The following AKAP12 variants were observed in gnomAD, a reference collection of about 807,000 sequenced individuals.
The protein encoded by AKAP12 is A-kinase anchor protein 12.
Under a neutral mutation model 79.9 loss-of-function variants are expected in AKAP12, and 32 were observed. The observed-to-expected ratio is 0.40, with a 90% CI of 0.30 to 0.54. AKAP12 has a LOEUF of 0.54. AKAP12 is among the 20% of genes least tolerant of loss of function. The pLI, the probability that AKAP12 is intolerant of heterozygous loss-of-function variation, is 0.48. For synonymous variants in AKAP12, 808 were observed against 857.0 expected, an observed-to-expected ratio of 0.94 and a Z score of 1.00; for missense variants, 2,074 against 2,177.0, an observed-to-expected ratio of 0.95 and a Z score of 0.94.
At chr6:151,318,313 T>C (rs1481893074) in intron 3 of AKAP12, among the ~76,000 whole-genome samples, 1 of 152,234 alleles carries the variant, frequency 6.6e-6, no homozygotes, top group Non-Finnish European at 1.5e-5. Flanking sequence ...ACCTGGTTTA[T>C]ATGGTGCTTT....
chr6:151,274,018 G>T, intron 2 of AKAP12, among the ~76,000 whole-genome samples: 1 of 149,244 alleles, frequency 6.7e-6, no homozygotes, highest in Non-Finnish European at 1.5e-5. Context: ...GACAGAGCAA[G>T]ACTCTGTCTC....
chr6:151,337,034 T>A (rs1182328586), intron 3 of AKAP12, among the ~76,000 whole-genome samples: 1 of 152,178 alleles, frequency 6.6e-6, no homozygotes, highest in Non-Finnish European at 1.5e-5. Context: ...TAAGTCGTTT[T>A]CTTGTTGTTT....
intron 2 of AKAP12, among the ~76,000 whole-genome samples, chr6:151,242,381 C>A (rs991009952): frequency 1.3e-5 from 2 of 152,140 alleles, no homozygotes; most frequent in African/African-American, 4.8e-5. Flanking sequence ...TTCCTCTTTC[C>A]AAGTTGCCAA....
At chr6:151,257,788 T>G (rs1276152662) in intron 2 of AKAP12, among the ~76,000 whole-genome samples, 1 of 152,208 alleles carries the variant, frequency 6.6e-6, no homozygotes, top group African/African-American at 2.4e-5. Flanking sequence ...TGATGAAAGA[T>G]TTCATATTTT....
At chr6:151,333,593 A>G (rs532938984) in intron 3 of AKAP12, among the ~76,000 whole-genome samples, 23 of 152,168 alleles carry the variant, frequency 1.5e-4, no homozygotes, top group Admixed American at 7.8e-4. Context: ...TCTACTAAAA[A>G]TTAGCTGGGC....
At chr6:151,294,571 G>T (rs1776685877) in intron 2 of AKAP12, among the ~76,000 whole-genome samples, 1 of 152,172 alleles carries the variant, frequency 6.6e-6, no homozygotes, top group South Asian at 2.1e-4. Flanking sequence ...GCATTTCACA[G>T]AACGGAATTC....
intron 3 of AKAP12, among the ~76,000 whole-genome samples, chr6:151,337,512 G>GA (rs565900855): frequency 0.015 from 1,551 of 101,688 alleles, 67 homozygotes; most frequent in African/African-American, 0.062. Context: ...TTTCCGTCTC[G>GA]AAAAAAAAAA....
At position 151,353,065 on chromosome 6, in the gene AKAP12, T is replaced by A; in HGVS notation, c.4674T>A (p.Val1558=). The A allele has an allele frequency of 6.2e-7, 1 of 1,614,194 alleles. No homozygotes were observed. The highest frequency in any genetic ancestry group is 1.1e-5 in the South Asian group (1 of 91,082). The change falls in exon 4 of 5, where the codon GTT becomes GTA. Residue 1558 remains valine, a synonymous_variant. Transcript: ENST00000402676. ...TCCAAAACATCATCCAGACAGCCGT[T>A]GACCAGTTTGTACGTACAGAAGAAA... ...KLVQNIIQTA[V]DQFVRTEETA... is the part of the protein sequence containing the mutation.
chr6:151,345,932 TGAGA>T (rs56202215), intron 3 of AKAP12, among the ~76,000 whole-genome samples: 3,918 of 100,760 alleles, frequency 0.039, 81 homozygotes, highest in Admixed American at 0.095. Context: ...TGTGTGTGTG[TGAGA>T]GAGAGAGAGA....
chr6:151,353,569 G>C lies in AKAP12; in HGVS notation c.5178G>C (p.Glu1726Asp). ...ATGCCTCAGGAGGCTTAACCAAAGA[G>C]TCCCCAGATACAAATGGACCAAAAC... The part of the protein sequence containing the change: ...DTDASGGLTK[E>D]SPDTNGPKQK... Residue 1726 changes from glutamate (E) to aspartate (D), a missense_variant, in exon 4 of 5, where the codon GAG becomes GAC. Around this residue, in one of 3 missense-constraint regions of AKAP12, gnomAD observed 614 missense variants for 665.6 expected, o/e 0.92. Transcript: ENST00000402676. 6.2e-7 allele frequency: 1 copy of C among 1,614,096 alleles called. No homozygotes were observed. Among genetic ancestry groups the C allele is most frequent in the Non-Finnish European group, 8.5e-7 (1 of 1,180,010 alleles).
At chr6:151,300,711 T>C (rs1202923290) in intron 2 of AKAP12, among the ~76,000 whole-genome samples, 2 of 151,596 alleles carry the variant, frequency 1.3e-5, no homozygotes, top group Non-Finnish European at 2.9e-5. Flanking sequence ...ACATTTGAGG[T>C]TTTTAGGGTC....
intron 3 of AKAP12, chr6:151,341,557 C>T: frequency 2.9e-6 from 1 of 346,984 alleles, no homozygotes; most frequent in Non-Finnish European, 4.5e-6. Context: ...ATGTTCGCGG[C>T]TGGCTTCCCG....
chr6:151,334,864 C>T (rs562669885), intron 3 of AKAP12, among the ~76,000 whole-genome samples: 85 of 152,216 alleles, frequency 5.6e-4, no homozygotes, highest in African/African-American at 2.0e-3. Context: ...ACCTCGTGAT[C>T]TGCCCGCCTC....
chr6:151,346,219 T>C (rs533479706), intron 3 of AKAP12, among the ~76,000 whole-genome samples: 1 of 152,322 alleles, frequency 6.6e-6, no homozygotes, highest in South Asian at 2.1e-4. Flanking sequence ...TTTAACACAA[T>C]ACATCTCCCT....
intron 3 of AKAP12, among the ~76,000 whole-genome samples, chr6:151,307,678 A>G (rs1268815501): frequency 2.0e-5 from 3 of 152,260 alleles, no homozygotes; most frequent in South Asian, 2.1e-4. Context: ...TTATCTTACC[A>G]TAGTCCAGAT....
At chr6:151,320,142 G>A (rs1467505020) in intron 3 of AKAP12, among the ~76,000 whole-genome samples, 2 of 152,122 alleles carry the variant, frequency 1.3e-5, no homozygotes, top group African/African-American at 4.8e-5. Flanking sequence ...TTAATTCTGA[G>A]TGTAGTGGTC....
rs991658710 is a variant in AKAP12, at chr6:151,358,230, T to G, written c.*2516T>G. On this transcript the variant is annotated 3_prime_UTR_variant, in exon 5 of 5. Coordinates refer to ENST00000402676, the MANE Select transcript of AKAP12 (RefSeq NM_005100.4). ...TACATTTTGTTATTTTTGGCATTACTACAGAGCCATGTACAATAGAAAGCA... is the reference window on the plus strand; with the variant it reads ...TACATTTTGTTATTTTTGGCATTACGACAGAGCCATGTACAATAGAAAGCA... The G allele has an allele frequency of 2.0e-5, 3 of 152,264 alleles. No homozygotes were observed. The highest frequency in any genetic ancestry group is 4.4e-5 in the Non-Finnish European group (3 of 68,050). 9.4% of individuals were successfully genotyped at this position (152,264 alleles called of 1,614,324 possible).
At position 151,351,000 on chromosome 6, in the gene AKAP12, A is replaced by G; in HGVS notation, c.2609A>G (p.Glu870Gly). Residue 870 changes from glutamate to glycine, a missense_variant, in exon 4 of 5, where the codon GAG (glutamate) becomes GGG (glycine). Glu to Gly is a moderately conservative substitution (Grantham distance 98). Transcript: ENST00000402676. The surrounding 1 kb of genome is among the most constrained non-coding windows in gnomAD (Gnocchi z 4.8). ...GCACAGCAAGCCCAAAAAAGCGCAGAGCAGCCCGAGCAGAAGGCAGCCACT... is the reference window on the plus strand; with the variant it reads ...GCACAGCAAGCCCAAAAAAGCGCAGGGCAGCCCGAGCAGAAGGCAGCCACT... ...MEAQQAQKSA[E>G]QPEQKAATEV... 2 of 1,614,078 alleles carry G rather than the reference A, an allele frequency of 1.2e-6. No homozygotes were observed. Among genetic ancestry groups the G allele is most frequent in the Non-Finnish European group, 1.7e-6 (2 of 1,180,010 alleles).
At chr6:151,264,606 G>A (rs1371620863) in intron 2 of AKAP12, among the ~76,000 whole-genome samples, 5 of 151,288 alleles carry the variant, frequency 3.3e-5, no homozygotes, top group African/African-American at 1.2e-4. Context: ...GGGAGGCAGA[G>A]GTTGCAGTGA....
Sources: gnomAD v4.1 joint callset for allele counts (sites outside exome capture counted in the v4.1 genomes callset) on GRCh38, gnomAD v4.1.1 for gene constraint, gnomAD v4.1.1 regional missense constraint, Gnocchi (gnomAD v3.1) non-coding constraint, MANE v1.5 for transcripts, NCBI Gene and HGNC (gene_info 2026-07-23, HGNC 2026-07-21) for gene names.